The following BAAT variants were observed in gnomAD, a reference collection of about 807,000 sequenced individuals.
The protein encoded by BAAT is bile acid-CoA:amino acid N-acyltransferase.
A neutral mutation model predicts 18.9 loss-of-function variants in BAAT; 13 were observed. The ratio of observed to expected loss-of-function variants is 0.69; its 90% CI spans 0.45 to 1.10. The LOEUF (loss-of-function observed/expected upper bound fraction) is 1.10, where lower values mean the gene tolerates loss of function less well. Ranked by LOEUF, BAAT falls within the 50% of genes least tolerant of loss-of-function variation. BAAT has a pLI of 0.00. For synonymous variants in BAAT, 170 were observed against 190.7 expected (o/e 0.89, Z 0.89); for missense variants, 489 against 504.0 (o/e 0.97, Z 0.28).
chr9:101,377,270 CA>C (rs2119035663), intron 1 of BAAT, among the ~76,000 whole-genome samples: 1 of 152,302 alleles, frequency 6.6e-6, no homozygotes, highest in South Asian at 2.1e-4. Context: ...AGCCCCAAAT[CA>C]GTTTTCTATA....
rs1829702810 is a variant in BAAT at position 101,360,608 on chromosome 9, C to A, written c.*1820G>T. 6.6e-6 allele frequency: 1 copy of A among 151,884 alleles called. No homozygotes were observed. Among genetic ancestry groups the A allele is most frequent in the Non-Finnish European group, 1.5e-5 (1 of 68,016 alleles). The allele number at this position is 151,884 out of a possible 1,614,324, so 9.4% of individuals were successfully genotyped here. A position where few individuals can be genotyped will look rare whatever the true frequency, so the allele number is the denominator to read the frequency against. On this transcript the variant is annotated 3_prime_UTR_variant, in exon 4 of 4. Transcript: ENST00000259407. ...GAGTGTGAGGATGGGGAGGAGGTGC[C>A]ACACACTTTTAAACAGTCATATCTC...
At chr9:101,382,438 G>T (rs76155163) in intron 1 of BAAT, among the ~76,000 whole-genome samples, 1 of 152,274 alleles carries the variant, frequency 6.6e-6, no homozygotes, top group Non-Finnish European at 1.5e-5. Context: ...CATGTGGGTG[G>T]CTCCCCATAA....
chr9:101,377,531 A>C (rs1255609609), intron 1 of BAAT, among the ~76,000 whole-genome samples: 1 of 152,224 alleles, frequency 6.6e-6, no homozygotes, highest in African/African-American at 2.4e-5. Context: ...TGATAGGATT[A>C]TAAAAGCTAA....
Position 101,362,079 on chromosome 9 carries a change from C to T in BAAT, c.*349G>A, listed in dbSNP as rs1442079787. The T allele has an allele frequency of 1.2e-5, 4 of 327,542 alleles. No homozygotes were observed. The highest frequency in any genetic ancestry group is 2.3e-5 in the Non-Finnish European group (4 of 176,576). 20.3% of individuals were successfully genotyped at this position (327,542 alleles called of 1,614,324 possible). ...ATTCTTACTATATAGTGTTTTCTGA[C>T]ATGGTATTTGGTTTTATATCTGTTA... is the stretch of plus-strand genomic sequence containing the variant. On this transcript the variant is annotated 3_prime_UTR_variant, in exon 4 of 4. Transcript: ENST00000259407.
Position 101,384,967 on chromosome 9 carries a change from C to T in BAAT, c.-172G>A, listed in dbSNP as rs1301424414. Among the ~76,000 whole-genome samples, 1 of 152,028 alleles carries T rather than the reference C, an allele frequency of 6.6e-6. No homozygotes were observed. The highest frequency in any genetic ancestry group is 1.5e-5 in the Non-Finnish European group (1 of 68,010). On this transcript the variant is annotated 5_prime_UTR_variant, in exon 1 of 4. Transcript: ENST00000259407. Reference sequence around the variant, plus strand: ...CAAAGAGAGGAATTTACAGCTGGGCCTCCGGGGGTGATGTCACATATCAGC... The same window carrying T: ...CAAAGAGAGGAATTTACAGCTGGGCTTCCGGGGGTGATGTCACATATCAGC...
chr9:101,361,470 C>T lies in BAAT; in HGVS notation c.*958G>A, dbSNP rs1435239001. ...GAATTACATGCAGTCCTCATATATT[C>T]AGTTGGTTAGCAAACTAAAGTATTT... On this transcript the variant is annotated 3_prime_UTR_variant, in exon 4 of 4. Coordinates refer to ENST00000259407, the MANE Select transcript of BAAT (RefSeq NM_001701.4). 2 of 152,592 alleles carry T rather than the reference C, an allele frequency of 1.3e-5. No individual in the cohort carries two copies. Among genetic ancestry groups the T allele is most frequent in the African/African-American group, 2.4e-5 (1 of 41,446 alleles). The allele number at this position is 152,592 out of a possible 1,614,324, so 9.5% of individuals were successfully genotyped here.
chr9:101,378,658 C>G (rs1357277410), intron 1 of BAAT, among the ~76,000 whole-genome samples: 2 of 152,178 alleles, frequency 1.3e-5, no homozygotes, highest in Non-Finnish European at 2.9e-5. Flanking sequence ...CCATTCAGGA[C>G]ATAGGCACAG....
intron 1 of BAAT, among the ~76,000 whole-genome samples, chr9:101,382,998 G>A (rs1588146208): frequency 6.6e-6 from 1 of 151,946 alleles, no homozygotes; most frequent in South Asian, 2.1e-4. Context: ...TTCTAACATG[G>A]CATTAGTCTT....
chr9:101,369,699 C>T (rs985148077), intron 2 of BAAT, among the ~76,000 whole-genome samples: 5 of 152,116 alleles, frequency 3.3e-5, no homozygotes, highest in Non-Finnish European at 7.3e-5. Flanking sequence ...ATAAAGTGGT[C>T]TATATGCTAT....
At position 101,371,181 on chromosome 9, in the gene BAAT, G is replaced by A. The variant is rs1460089235; in HGVS notation, c.224C>T (p.Pro75Leu). The change falls in exon 2 of 4, where the codon CCC becomes CTC. Residue 75 changes from proline (P) to leucine (L), a missense_variant. By Grantham distance (98) the Pro-to-Leu change is moderately conservative. Coordinates refer to ENST00000259407, the MANE Select transcript of BAAT (RefSeq NM_001701.4). ...SLGGDYMGVH[P>L]MGLFWSLKPE... ...TTTCAGAGACCAGAAGAGACCCATG[G>A]GGTGGACTCCCATATAATCCCCTCC... is the stretch of plus-strand genomic sequence containing the variant. The A allele has an allele frequency of 1.9e-6, 3 of 1,614,096 alleles. No individual in the cohort carries two copies. Among genetic ancestry groups the A allele is most frequent in the South Asian group, 1.1e-5 (1 of 91,084 alleles).
At chr9:101,373,176 A>G (rs1049104532) in intron 1 of BAAT, among the ~76,000 whole-genome samples, 2 of 152,178 alleles carry the variant, frequency 1.3e-5, no homozygotes, top group African/African-American at 4.8e-5. Flanking sequence ...ATAAGCTACC[A>G]GTAATTCTAA....
intron 3 of BAAT, among the ~76,000 whole-genome samples, chr9:101,367,234 G>A (rs1322548525): frequency 1.3e-5 from 2 of 151,706 alleles, no homozygotes; most frequent in South Asian, 2.1e-4. Flanking sequence ...AATTTTAAAA[G>A]GCATATGGAT....
At chr9:101,378,626 C>T (rs1210617283) in intron 1 of BAAT, among the ~76,000 whole-genome samples, 1 of 152,126 alleles carries the variant, frequency 6.6e-6, no homozygotes, top group Non-Finnish European at 1.5e-5. Flanking sequence ...TATAAAAACC[C>T]TAGAAGAAAA....
chr9:101,370,742 TG>T (rs1443985777), intron 2 of BAAT, among the ~76,000 whole-genome samples, 196 bp downstream of exon 2: 1 of 152,160 alleles, frequency 6.6e-6, no homozygotes, highest in East Asian at 1.9e-4. Context: ...TAACATTGAT[TG>T]TAAGGCAGGA....
At chr9:101,364,045 A>G (rs76442436) in intron 3 of BAAT, among the ~76,000 whole-genome samples, 3,056 of 152,226 alleles carry the variant, frequency 0.02, 110 homozygotes, top group African/African-American at 0.069. Flanking sequence ...ACAAGAAGGA[A>G]TGGTATTCTA....
intron 1 of BAAT, chr9:101,376,410 A>C (rs1830047435): frequency 5.8e-6 from 1 of 171,764 alleles, no homozygotes; most frequent in Non-Finnish European, 1.3e-5. Context: ...ATTCTGTTGA[A>C]TTCTCCATCA....
chr9:101,380,812 G>C (rs1046546435), intron 1 of BAAT, among the ~76,000 whole-genome samples: 1 of 152,142 alleles, frequency 6.6e-6, no homozygotes, highest in Non-Finnish European at 1.5e-5. Flanking sequence ...GGAGTGCAGT[G>C]GTGCAATCTT....
chr9:101,376,812 C>A (rs1414609619), intron 1 of BAAT, among the ~76,000 whole-genome samples: 1 of 152,118 alleles, frequency 6.6e-6, no homozygotes, highest in African/African-American at 2.4e-5. Flanking sequence ...GATATAGATA[C>A]AAATAAATAG....
intron 1 of BAAT, among the ~76,000 whole-genome samples, chr9:101,374,314 G>A (rs1830003324): frequency 1.3e-5 from 2 of 152,096 alleles, no homozygotes; most frequent in Admixed American, 1.3e-4. Context: ...GGCCCTATCA[G>A]ATTAACTTTG....
Sources: allele counts gnomAD v4.1 joint callset (sites outside exome capture counted in the v4.1 genomes callset), GRCh38; gene constraint gnomAD v4.1.1; transcripts MANE v1.5; gene names NCBI Gene and HGNC (gene_info 2026-07-23, HGNC 2026-07-21).